Variants in HOMER2 observed in about 807,000 individuals in gnomAD.
HOMER2 encodes the protein homer scaffold protein 2.
In HOMER2, 27 loss-of-function variants were observed where a neutral mutation model predicts 47.0. The ratio of observed to expected loss-of-function variants is 0.57; its 90% confidence interval spans 0.42 to 0.79. The LOEUF (loss-of-function observed/expected upper bound fraction) is 0.79, where lower values mean the gene tolerates loss of function less well. Ranked by LOEUF, HOMER2 falls within the 30% of genes least tolerant of loss-of-function variation. The pLI is 0.00. For missense variants in HOMER2, 443 were observed against 435.0 expected, an observed-to-expected ratio of 1.02 and a Z score of -0.16; for synonymous variants, 161 against 163.8, an observed-to-expected ratio of 0.98 and a Z score of 0.13.
In HOMER2 at chr15:82,952,497, G is replaced by A. The variant is rs910618719; in HGVS notation, c.5+34C>T. The A allele has an allele frequency of 7.6e-6, 9 of 1,184,584 alleles. No individual in the cohort carries two copies. In the African/African-American group the frequency reaches 1.3e-4, roughly 17 times the overall value. 73.4% of individuals were successfully genotyped at this position (1,184,584 alleles called of 1,614,324 possible). A position where few individuals can be genotyped will look rare whatever the true frequency, so the allele number is the denominator to read the frequency against. On this transcript the variant is annotated intron_variant, in intron 1 of 8. Transcript: ENST00000450735. ...GCGGCCCCGCAGTCCCTCCGGAGGG[G>A]CGCGCGGAGAGCGCGCGGCGCGGGC...
intron 1 of HOMER2, among the ~76,000 whole-genome samples, chr15:82,910,985 A>G (rs2053438131): frequency 6.6e-6 from 1 of 152,216 alleles, no homozygotes; most frequent in Non-Finnish European, 1.5e-5. Flanking sequence ...AGGGACATTA[A>G]TATAACCACC....
intron 3 of HOMER2, among the ~76,000 whole-genome samples, chr15:82,871,244 C>G (rs2052167233): frequency 6.6e-6 from 1 of 152,174 alleles, no homozygotes; most frequent in Non-Finnish European, 1.5e-5. Context: ...TATAATGGAG[C>G]AGTTAAGACC....
intron 2 of HOMER2, among the ~76,000 whole-genome samples, chr15:82,876,702 G>A (rs1470267761): frequency 6.6e-6 from 1 of 152,186 alleles, no homozygotes; most frequent in East Asian, 1.9e-4. Flanking sequence ...TACTTACTAA[G>A]GTTGTTTATT....
At chr15:82,947,859 T>C (rs1393801612) in intron 1 of HOMER2, among the ~76,000 whole-genome samples, 1 of 152,196 alleles carries the variant, frequency 6.6e-6, no homozygotes, top group Non-Finnish European at 1.5e-5. Flanking sequence ...TGGAATACAC[T>C]GGTGAAAAAG....
intron 1 of HOMER2, among the ~76,000 whole-genome samples, chr15:82,950,477 C>T (rs914618724): frequency 6.6e-6 from 1 of 152,004 alleles, no homozygotes; most frequent in Non-Finnish European, 1.5e-5. Flanking sequence ...AGTTCTTCCC[C>T]CTCCATCCTA....
chr15:82,852,424 T>G (rs1377822265), intron 6 of HOMER2, 172 bp from the exon 7 acceptor site: 11 of 568,794 alleles, frequency 1.9e-5, no homozygotes, highest in Non-Finnish European at 3.4e-5. Context: ...ATCATGGGGC[T>G]GCCTGCACCG....
chr15:82,900,952 T>C (rs138485256), intron 1 of HOMER2, among the ~76,000 whole-genome samples: 292 of 152,324 alleles, frequency 1.9e-3, no homozygotes, highest in African/African-American at 6.9e-3. Context: ...TTGGGTCACA[T>C]TTACACCAGG....
intron 1 of HOMER2, among the ~76,000 whole-genome samples, chr15:82,898,013 T>A (rs1360839702): frequency 3.3e-5 from 5 of 152,240 alleles, no homozygotes; most frequent in Non-Finnish European, 7.3e-5. Flanking sequence ...ACAGAAAGCT[T>A]ACTACACACC....
At chr15:82,875,465 T>C in intron 2 of HOMER2, 61 bp from the exon 3 acceptor site, 9 of 1,568,146 alleles carry the variant, frequency 5.7e-6, no homozygotes, top group Non-Finnish European at 7.9e-6. Flanking sequence ...AGTCATTCCT[T>C]AGAAAGTCTT....
At chr15:82,977,680 C>T (rs1567080936) in intron 1 of HOMER2, among the ~76,000 whole-genome samples, 1 of 152,150 alleles carries the variant, frequency 6.6e-6, no homozygotes, top group Non-Finnish European at 1.5e-5. Context: ...TTAGCACTTA[C>T]ACTCTAGCAG....
At chr15:82,871,917 T>A (rs2052186937) in intron 3 of HOMER2, among the ~76,000 whole-genome samples, 1 of 152,290 alleles carries the variant, frequency 6.6e-6, no homozygotes, top group South Asian at 2.1e-4. Flanking sequence ...TGGGTTCCTT[T>A]AAAGATTGAA....
chr15:82,900,021 A>G (rs1187406287), intron 1 of HOMER2, among the ~76,000 whole-genome samples: 3 of 151,982 alleles, frequency 2.0e-5, no homozygotes, highest in Admixed American at 6.6e-5. Flanking sequence ...GTGAGACTCC[A>G]TCTCAAAATA....
chr15:82,930,792 G>A (rs575992280), intron 1 of HOMER2, among the ~76,000 whole-genome samples: 3 of 152,302 alleles, frequency 2.0e-5, no homozygotes, highest in African/African-American at 7.2e-5. Context: ...TTGGGAGGCC[G>A]AGGAGGGTAG....
At chr15:82,851,010 A>G (rs1232095835) in intron 8 of HOMER2, 141 bp downstream of exon 8, 1 of 655,918 alleles carries the variant, frequency 1.5e-6, no homozygotes, top group Non-Finnish European at 2.7e-6. Context: ...TCTGGCGTGC[A>G]GTCACTGCCA....
At chr15:82,935,150 C>T (rs1345829499) in intron 1 of HOMER2, among the ~76,000 whole-genome samples, 3 of 152,228 alleles carry the variant, frequency 2.0e-5, no homozygotes, top group Non-Finnish European at 2.9e-5. Flanking sequence ...TGCTTCCCTC[C>T]GCACCTGCGC....
downstream of HOMER2, chr15:82,845,581 A>G (rs2051232399): frequency 6.6e-6 from 1 of 152,230 alleles, no homozygotes; most frequent in African/African-American, 2.4e-5. Flanking sequence ...CTAGTTTGCA[A>G]GTGCTTCAAA....
At chr15:82,967,738 G>A (rs1356521912) in intron 1 of HOMER2, among the ~76,000 whole-genome samples, 2 of 152,026 alleles carry the variant, frequency 1.3e-5, no homozygotes, top group Non-Finnish European at 1.5e-5. Flanking sequence ...TTAGCTGGGC[G>A]TTGTGGCGGG....
intron 2 of HOMER2, among the ~76,000 whole-genome samples, chr15:82,890,048 G>A (rs1482126515): frequency 6.6e-6 from 1 of 152,172 alleles, no homozygotes; most frequent in African/African-American, 2.4e-5. Context: ...CACTAAGGGA[G>A]GAACACGAGG....
intron 2 of HOMER2, among the ~76,000 whole-genome samples, chr15:82,881,312 G>A (rs182793571): frequency 6.6e-6 from 1 of 152,334 alleles, no homozygotes; most frequent in East Asian, 1.9e-4. Flanking sequence ...CTGGATTTCA[G>A]AGGAAGCTGC....
Sources: allele counts gnomAD v4.1 joint callset (sites outside exome capture counted in the v4.1 genomes callset), GRCh38; gene constraint gnomAD v4.1.1; transcripts MANE v1.5; gene names NCBI Gene and HGNC (gene_info 2026-07-23, HGNC 2026-07-21).